Variants in ABLIM2 observed in about 807,000 individuals in gnomAD.
ABLIM2 encodes actin binding LIM protein family member 2.
Under a neutral mutation model 97.7 loss-of-function variants are expected in ABLIM2, and 53 were observed. The observed-to-expected ratio is 0.54, with a 90% confidence interval of 0.44 to 0.68. The LOEUF (loss-of-function observed/expected upper bound fraction) is 0.68. ABLIM2 is among the 30% of genes least tolerant of loss of function. ABLIM2 has a pLI of 0.00. For missense variants in ABLIM2, 835 were observed against 867.2 expected (o/e 0.96, Z 0.47); for synonymous variants, 361 against 345.8 (o/e 1.04, Z -0.49).
chr4:8,109,597 A>G (rs939712510), intron 1 of ABLIM2, among the ~76,000 whole-genome samples: 3 of 152,110 alleles, frequency 2.0e-5, no homozygotes, highest in Non-Finnish European at 4.4e-5. Flanking sequence ...GTCCCTGCCC[A>G]CGGATGGAAC....
chr4:8,127,739 G>A lies in ABLIM2; in HGVS notation c.11-21102C>T. ...GCTGCCACCCTCTGCCCGGGGAGGG[G>A]CAGAGCCAAGCCCTTCCCGGCACAC... On this transcript the variant is annotated intron_variant, in intron 1 of 20. Coordinates refer to ENST00000447017, the MANE Select transcript of ABLIM2 (RefSeq NM_001130083.2). The surrounding 1 kb of genome is among the most constrained non-coding windows in gnomAD (Gnocchi z 7.3). 1 of 981,898 alleles carries A rather than the reference G, an allele frequency of 1.0e-6. No individual in the cohort carries two copies. The highest frequency in any genetic ancestry group is 1.2e-6 in the Non-Finnish European group (1 of 826,820). 60.8% of individuals were successfully genotyped at this position (981,898 alleles called of 1,614,324 possible). A position where few individuals can be genotyped will look rare whatever the true frequency, so the allele number is the denominator to read the frequency against.
chr4:8,106,463 G>A, intron 2 of ABLIM2, 31 bp downstream of exon 2: 1 of 1,576,226 alleles, frequency 6.3e-7, no homozygotes, highest in Non-Finnish European at 8.6e-7. Context: ...CGTTTCAGGG[G>A]CCACACTGCA....
intron 16 of ABLIM2, among the ~76,000 whole-genome samples, chr4:7,997,869 G>A (rs1031761292): frequency 1.3e-5 from 2 of 151,866 alleles, no homozygotes; most frequent in East Asian, 3.9e-4. Flanking sequence ...AGTATCTGCT[G>A]TCTTTTTTTT....
Position 8,027,810 on chromosome 4 carries a change from G to A in ABLIM2, c.1216C>T (p.His406Tyr). The change falls in exon 12 of 21, where the codon CAC becomes TAC. Residue 406 changes from histidine (H) to tyrosine (Y), a missense_variant. Transcript: ENST00000447017. ...CTGAACACGGATGTAGGGCTTGGGT[G>A]TTGGGACAGGGAGAGGCAGCTACTG... The part of the protein sequence containing the change: ...GTSSCLSLSQ[H>Y]PSPTSVFRHH... 1 of 1,601,820 alleles carries A rather than the reference G, an allele frequency of 6.2e-7. No homozygotes were observed. Among genetic ancestry groups the A allele is most frequent in the Non-Finnish European group, 8.5e-7 (1 of 1,174,546 alleles).
At position 8,089,669 on chromosome 4, in the gene ABLIM2, G is replaced by A. The variant is rs554672928; in HGVS notation, c.339-1385C>T. Among the ~76,000 whole-genome samples, 215 of 150,282 alleles carry A rather than the reference G, an allele frequency of 1.4e-3. 2 individuals are homozygous for A. The highest frequency in any genetic ancestry group is 4.7e-3 in the African/African-American group (190 of 40,758). The stretch of plus-strand genomic sequence containing the variant: ...ACAATCGCTTGAACTGGGAGGTGGA[G>A]GTTGCAGTGAGCCGAGATTGCACCA... On this transcript the variant is annotated intron_variant, in intron 3 of 20. Coordinates refer to ENST00000447017, the MANE Select transcript of ABLIM2 (RefSeq NM_001130083.2).
At chr4:7,979,954 G>A (rs1473919822) in intron 20 of ABLIM2, among the ~76,000 whole-genome samples, 1 of 152,220 alleles carries the variant, frequency 6.6e-6, no homozygotes, top group Non-Finnish European at 1.5e-5. Context: ...GAGAGGTGAG[G>A]TAAAAGTCTA....
intron 20 of ABLIM2, among the ~76,000 whole-genome samples, chr4:7,981,897 C>T (rs957961690): frequency 1.4e-5 from 2 of 147,040 alleles, no homozygotes; most frequent in South Asian, 2.1e-4. Flanking sequence ...TAAGGACGTA[C>T]TTCCTATCTG....
Position 7,966,863 on chromosome 4 carries a change from C to CT in ABLIM2, c.*126_*127insA. 3 of 186,050 alleles carry CT rather than the reference C, an allele frequency of 1.6e-5. No individual in the cohort carries two copies. Among genetic ancestry groups the CT allele is most frequent in the South Asian group, 1.8e-4 (2 of 11,012 alleles). 11.5% of individuals were successfully genotyped at this position (186,050 alleles called of 1,614,324 possible). ...GCAGGGGCCGCACCTGCTGGGGGAC[C>CT]CCCTCCCGCCCACCCCATGGACACA... On this transcript the variant is annotated 3_prime_UTR_variant, in exon 21 of 21. Coordinates refer to ENST00000447017, the MANE Select transcript of ABLIM2 (RefSeq NM_001130083.2).
rs577644217 is a variant in ABLIM2 at position 8,122,451 on chromosome 4, C to T, written c.11-15814G>A. Among the ~76,000 whole-genome samples, 6 of 152,184 alleles carry T rather than the reference C, an allele frequency of 3.9e-5. No individual in the cohort carries two copies. Among genetic ancestry groups the T allele is most frequent in the South Asian group, 2.1e-4 (1 of 4,820 alleles). Reference sequence around the variant, plus strand: ...TCTGATATTAGGGCAGCAGCATGCTCGGTCCCTGGTGAGGGCTCCCTTCCT... The same window carrying T: ...TCTGATATTAGGGCAGCAGCATGCTTGGTCCCTGGTGAGGGCTCCCTTCCT... On this transcript the variant is annotated intron_variant, in intron 1 of 20. Transcript: ENST00000447017. This position sits in a 1 kb window ranked among gnomAD's most constrained non-coding sequence, Gnocchi z 4.1.
chr4:7,983,686 G>T, intron 18 of ABLIM2, 132 bp from the exon 19 acceptor site: 1 of 1,136,134 alleles, frequency 8.8e-7, no homozygotes, highest in South Asian at 1.3e-5. Flanking sequence ...CATGGTCCCC[G>T]AGCAGCCTGC....
intron 1 of ABLIM2, among the ~76,000 whole-genome samples, chr4:8,146,335 G>A (rs1851791761): frequency 6.6e-6 from 1 of 152,168 alleles, no homozygotes; most frequent in Non-Finnish European, 1.5e-5. Flanking sequence ...GAGTTTTGCA[G>A]AGGCCGCATG....
At chr4:8,006,993 T>C (rs1761871263) in intron 16 of ABLIM2, 5 of 984,224 alleles carry the variant, frequency 5.1e-6, no homozygotes, top group Non-Finnish European at 6.0e-6. Context: ...CACAGACACC[T>C]GCTTACAGAG....
chr4:8,037,882 G>A (rs976713955), intron 9 of ABLIM2, among the ~76,000 whole-genome samples: 4 of 152,218 alleles, frequency 2.6e-5, no homozygotes, highest in Non-Finnish European at 4.4e-5. Flanking sequence ...TGTTTGCTCA[G>A]GGAGGTCCAG....
At chr4:8,134,449 A>T (rs1186651130) in intron 1 of ABLIM2, among the ~76,000 whole-genome samples, 1 of 152,096 alleles carries the variant, frequency 6.6e-6, no homozygotes, top group African/African-American at 2.4e-5. Context: ...GCCCCTCCAC[A>T]CACAGCTCGG....
chr4:8,144,597 A>C (rs1253173773), intron 1 of ABLIM2, among the ~76,000 whole-genome samples: 1 of 152,208 alleles, frequency 6.6e-6, no homozygotes, highest in Non-Finnish European at 1.5e-5. Flanking sequence ...CTGGAAGGAC[A>C]CAGCCTGAGC....
rs181570170 is a variant in ABLIM2, at chr4:8,043,989, G to A, written c.900+1175C>T. On this transcript the variant is annotated intron_variant, in intron 9 of 20. Coordinates refer to ENST00000447017, the MANE Select transcript of ABLIM2 (RefSeq NM_001130083.2). The surrounding 1 kb of genome is among the most constrained non-coding windows in gnomAD (Gnocchi z 4.8). ...CAGAGTGCACATCCCAAGCGCCACA[G>A]TGCCACTCACTCTCCAGGCCAGCAG... Among the ~76,000 whole-genome samples the A allele has an allele frequency of 2.0e-5, 3 of 152,302 alleles. No homozygotes were observed. In the East Asian group the frequency reaches 5.8e-4, roughly 29 times the overall value.
intron 5 of ABLIM2, 110 bp downstream of exon 5, chr4:8,080,566 A>C: frequency 8.0e-7 from 1 of 1,248,664 alleles, no homozygotes; most frequent in Non-Finnish European, 1.1e-6. Context: ...TGTGTGAGGA[A>C]TAGGAGAGAC....
In ABLIM2 at chr4:8,150,610, G is replaced by A. The variant is rs1339555408; in HGVS notation, c.10+8070C>T. Among the ~76,000 whole-genome samples, 1 of 152,218 alleles carries A rather than the reference G, an allele frequency of 6.6e-6. No homozygotes were observed. Among genetic ancestry groups the A allele is most frequent in the Non-Finnish European group, 1.5e-5 (1 of 68,048 alleles). ...CAGCACAGGGTGCGAGCTCCGTGCC[G>A]GAGGCGGGAGGAGCCACTGCTGCTG... On this transcript the variant is annotated intron_variant, in intron 1 of 20. Coordinates refer to ENST00000447017, the MANE Select transcript of ABLIM2 (RefSeq NM_001130083.2). The surrounding 1 kb of genome is among the most constrained non-coding windows in gnomAD (Gnocchi z 6.3).
In ABLIM2 at chr4:8,132,816, C is replaced by CTA. The variant is rs900248381; in HGVS notation, c.10+25862_10+25863dup. ...TACCACGGACTGGGCTGCAGGGAGA[C>CTA]TAAATGAGATGATGCCTCTGAAAGT... On this transcript the variant is annotated intron_variant, in intron 1 of 20. Transcript: ENST00000447017. This position sits in a 1 kb window ranked among gnomAD's most constrained non-coding sequence, Gnocchi z 8.0. 2.0e-5 allele frequency among the ~76,000 whole-genome samples: 3 copies of CTA among 152,170 alleles called. No individual in the cohort carries two copies. The highest frequency in any genetic ancestry group is 4.4e-5 in the Non-Finnish European group (3 of 68,020).
Sources: allele counts gnomAD v4.1 joint callset (sites outside exome capture counted in the v4.1 genomes callset), GRCh38; gene constraint gnomAD v4.1.1; non-coding constraint Gnocchi (gnomAD v3.1); transcripts MANE v1.5; gene names NCBI Gene and HGNC (gene_info 2026-07-23, HGNC 2026-07-21).